Variants in PEF1 observed in about 807,000 individuals in gnomAD.
PEF1 encodes peflin.
Under a neutral mutation model 32.0 loss-of-function variants are expected in PEF1, and 17 were observed. That is an observed-to-expected ratio of 0.53 (90% CI 0.36 to 0.80). The LOEUF (loss-of-function observed/expected upper bound fraction) is 0.80, where lower values mean the gene tolerates loss of function less well. Among genes scored for constraint, PEF1 ranks in the 30% least tolerant of loss-of-function variants. The pLI is 0.00. For synonymous variants in PEF1, 130 were observed against 139.8 expected, an observed-to-expected ratio of 0.93 and a Z score of 0.50; for missense variants, 362 against 369.1, an observed-to-expected ratio of 0.98 and a Z score of 0.16.
At chr1:31,642,400 C>A (rs74063938) in intron 1 of PEF1, among the ~76,000 whole-genome samples, 5,007 of 152,224 alleles carry the variant, frequency 0.033, 295 homozygotes, top group African/African-American at 0.11. Context: ...GCTCGTTCCC[C>A]CATAGGACCA....
Position 31,633,316 on chromosome 1 carries a change from T to C in PEF1, c.326-2A>G, listed in dbSNP as rs1640167355. Reference sequence around the variant, plus strand: ...GATCCACATTGGGAGGGGCGCCACCTGGAGGAAGGGGTGTGAAGGCCATCA... The same window carrying C: ...GATCCACATTGGGAGGGGCGCCACCCGGAGGAAGGGGTGTGAAGGCCATCA... On this transcript the variant is annotated splice_acceptor_variant, in intron 2 of 4. Transcript: ENST00000373703. LOFTEE classifies it high-confidence loss of function. 6.2e-7 allele frequency: 1 copy of C among 1,609,512 alleles called. No individual in the cohort carries two copies. Among genetic ancestry groups the C allele is most frequent in the Non-Finnish European group, 8.5e-7 (1 of 1,177,510 alleles).
At chr1:31,643,820 C>T (rs750174718) in intron 1 of PEF1, among the ~76,000 whole-genome samples, 5 of 152,154 alleles carry the variant, frequency 3.3e-5, no homozygotes, top group Non-Finnish European at 7.3e-5. Context: ...ACTGTGTGAT[C>T]GCAGCCCTCT....
At chr1:31,644,794 G>T (rs751828425) in intron 1 of PEF1, 47 bp downstream of exon 1, 3 of 1,613,098 alleles carry the variant, frequency 1.9e-6, no homozygotes, top group Non-Finnish European at 1.7e-6. Flanking sequence ...TCGGGCCTGC[G>T]CCTGGCACCG....
intron 1 of PEF1, among the ~76,000 whole-genome samples, chr1:31,638,124 G>A (rs1481363035): frequency 6.6e-6 from 1 of 152,208 alleles, no homozygotes; most frequent in Non-Finnish European, 1.5e-5. Flanking sequence ...TGCAAAGGAA[G>A]GAGGGTAAAA....
intron 1 of PEF1, among the ~76,000 whole-genome samples, chr1:31,643,330 A>G (rs191738976): frequency 6.6e-6 from 1 of 152,180 alleles, no homozygotes; most frequent in East Asian, 1.9e-4. Context: ...GCTATACTTA[A>G]GAGTATTTCC....
chr1:31,634,066 C>G (rs1640191282), intron 2 of PEF1, among the ~76,000 whole-genome samples: 1 of 152,112 alleles, frequency 6.6e-6, no homozygotes, highest in African/African-American at 2.4e-5. Context: ...CACACAAAGA[C>G]AGCCATGGGC....
intron 1 of PEF1, among the ~76,000 whole-genome samples, chr1:31,636,051 G>A (rs1220800250): frequency 6.6e-6 from 1 of 152,186 alleles, no homozygotes; most frequent in Non-Finnish European, 1.5e-5. Flanking sequence ...TTACCCTGAT[G>A]TAAAAACATT....
chr1:31,634,826 T>C, intron 2 of PEF1: 1 of 460,852 alleles, frequency 2.2e-6, no homozygotes, highest in South Asian at 1.5e-5. Flanking sequence ...GGGCAAGACA[T>C]ACAGTACTTC....
intron 3 of PEF1, 58 bp from the exon 4 acceptor site, chr1:31,632,696 C>G: frequency 6.4e-7 from 1 of 1,566,242 alleles, no homozygotes; most frequent in Non-Finnish European, 8.7e-7. Flanking sequence ...GCCAAGGGTC[C>G]CCCTCAGGAC....
intron 1 of PEF1, among the ~76,000 whole-genome samples, chr1:31,638,638 C>A (rs535380351): frequency 9.2e-5 from 14 of 152,378 alleles, no homozygotes; most frequent in South Asian, 2.1e-4. Flanking sequence ...GCCCTTCTGG[C>A]TATTGTAGTC....
Position 31,630,326 on chromosome 1 carries a change from C to A in PEF1, c.*287G>T. The A allele has an allele frequency of 2.2e-6, 1 of 446,182 alleles. No individual in the cohort carries two copies. The highest frequency in any genetic ancestry group is 4.2e-6 in the Non-Finnish European group (1 of 240,246). 27.6% of individuals were successfully genotyped at this position (446,182 alleles called of 1,614,324 possible). A position where few individuals can be genotyped will look rare whatever the true frequency, so the allele number is the denominator to read the frequency against. On this transcript the variant is annotated 3_prime_UTR_variant, in exon 5 of 5. Transcript: ENST00000373703. ...CTGGACACTAACTCCATTACAAGGA[C>A]CTGCTCCTGGTGCCAGGCTGTGCCA...
At chr1:31,642,946 C>G (rs10798882) in intron 1 of PEF1, among the ~76,000 whole-genome samples, 87,377 of 152,146 alleles carry the variant, frequency 0.57, 25,569 homozygotes, top group Non-Finnish European at 0.62. Context: ...GCACAGTTCT[C>G]TCTAACCTGT....
chr1:31,643,352 T>A (rs1215065416), intron 1 of PEF1, among the ~76,000 whole-genome samples: 1 of 152,222 alleles, frequency 6.6e-6, no homozygotes, highest in Non-Finnish European at 1.5e-5. Flanking sequence ...AAACTTTAGT[T>A]AACTACAGAA....
chr1:31,643,963 G>A (rs967299372), intron 1 of PEF1: 1 of 152,134 alleles, frequency 6.6e-6, no homozygotes, highest in Admixed American at 6.5e-5. Context: ...TGTACCAAAC[G>A]CTTCGTAAGC....
At chr1:31,640,728 C>A (rs1387635380) in intron 1 of PEF1, among the ~76,000 whole-genome samples, 1 of 152,180 alleles carries the variant, frequency 6.6e-6, no homozygotes, top group African/African-American at 2.4e-5. Context: ...AGGGAGCTTA[C>A]CTCCTCCCAA....
chr1:31,640,811 A>T (rs1280222957), intron 1 of PEF1, among the ~76,000 whole-genome samples: 4 of 151,566 alleles, frequency 2.6e-5, no homozygotes, highest in African/African-American at 9.7e-5. Context: ...TAACCTCAAG[A>T]CCCCTGTGAA....
chr1:31,631,278 C>T (rs1640095628), intron 4 of PEF1, among the ~76,000 whole-genome samples: 1 of 152,216 alleles, frequency 6.6e-6, no homozygotes, highest in South Asian at 2.1e-4. Context: ...GCCTCACTAT[C>T]CCTATCTTAT....
At chr1:31,635,178 C>A in intron 2 of PEF1, 44 bp downstream of exon 2, 1 of 1,600,740 alleles carries the variant, frequency 6.2e-7, no homozygotes, top group South Asian at 1.1e-5. Flanking sequence ...ATGGATAACT[C>A]AGAACCACGT....
In PEF1 at chr1:31,630,714, C is replaced by T; in HGVS notation, c.754G>A (p.Val252Met). Reference sequence around the variant, plus strand: ...TTCTCCCGGAAGGCCTCTGTCAGCACCTGCAGCTGGGTGCACACCTGGATG... The same window carrying T: ...TTCTCCCGGAAGGCCTCTGTCAGCATCTGCAGCTGGGTGCACACCTGGATG... ...RFIQVCTQLQ[V>M]LTEAFREKDT... The change falls in exon 5 of 5, where the codon GTG (valine) becomes ATG (methionine). Residue 252 changes from valine (V) to methionine (M), a missense_variant. Physicochemically the swap from Val to Met is conservative, Grantham distance 21. Transcript: ENST00000373703. The T allele has an allele frequency of 6.2e-7, 1 of 1,614,166 alleles. No homozygotes were observed. The highest frequency in any genetic ancestry group is 8.5e-7 in the Non-Finnish European group (1 of 1,180,042).
Sources: gnomAD v4.1 joint callset for allele counts (sites outside exome capture counted in the v4.1 genomes callset) on GRCh38, gnomAD v4.1.1 for gene constraint, MANE v1.5 for transcripts, NCBI Gene and HGNC (gene_info 2026-07-23, HGNC 2026-07-21) for gene names.